LRMDA: variants seen among roughly 807,000 people sequenced by gnomAD.
The protein encoded by LRMDA is leucine-rich melanocyte differentiation-associated protein.
A neutral mutation model predicts 29.8 loss-of-function variants in LRMDA; 18 were observed. That is an observed-to-expected ratio of 0.60 (90% CI 0.42 to 0.90). The LOEUF (loss-of-function observed/expected upper bound fraction) is 0.90, where lower values mean the gene tolerates loss of function less well. Ranked by LOEUF, LRMDA falls within the 40% of genes least tolerant of loss-of-function variation. The pLI, the probability that LRMDA is intolerant of heterozygous loss-of-function variation, is 0.00. For synonymous variants in LRMDA, 125 were observed against 109.4 expected (o/e 1.14, Z -0.89); for missense variants, 273 against 273.9 (o/e 1.00, Z 0.02).
intron 2 of LRMDA, among the ~76,000 whole-genome samples, chr10:75,551,493 C>T (rs1378999528): frequency 6.7e-6 from 1 of 148,960 alleles, no homozygotes; most frequent in Non-Finnish European, 1.5e-5. Context: ...TAGCCCCCAT[C>T]CCCCAACAGG....
At chr10:75,754,618 G>T (rs1432795955) in intron 2 of LRMDA, among the ~76,000 whole-genome samples, 2 of 152,086 alleles carry the variant, frequency 1.3e-5, no homozygotes, top group Admixed American at 1.3e-4. Context: ...AGTAAGTAAT[G>T]ACTTTTCTGT....
chr10:75,899,173 C>T (rs911712559), intron 2 of LRMDA, among the ~76,000 whole-genome samples: 1 of 152,202 alleles, frequency 6.6e-6, no homozygotes, highest in African/African-American at 2.4e-5. Flanking sequence ...TTTTTGGTTA[C>T]ACGCCAGTAC....
At chr10:75,453,206 G>C (rs561677789) in intron 2 of LRMDA, among the ~76,000 whole-genome samples, 1 of 152,198 alleles carries the variant, frequency 6.6e-6, no homozygotes, top group African/African-American at 2.4e-5. Context: ...CAGAGACAGA[G>C]AGAGAAAATG....
intron 5 of LRMDA, among the ~76,000 whole-genome samples, chr10:76,213,526 C>A (rs11001688): frequency 2.0e-5 from 3 of 152,122 alleles, no homozygotes; most frequent in East Asian, 1.9e-4. Context: ...CTTTCATTTC[C>A]TAAGTGGAGG....
intron 2 of LRMDA, among the ~76,000 whole-genome samples, chr10:75,684,437 A>G (rs1338997757): frequency 6.6e-6 from 1 of 152,216 alleles, no homozygotes; most frequent in Non-Finnish European, 1.5e-5. Context: ...CTTTAACTTT[A>G]GAGTTCACTC....
At chr10:75,864,998 A>G (rs542649950) in intron 2 of LRMDA, among the ~76,000 whole-genome samples, 1 of 152,282 alleles carries the variant, frequency 6.6e-6, no homozygotes, top group South Asian at 2.1e-4. Flanking sequence ...CTTGTTTAAA[A>G]TGTCTCTAGA....
At chr10:76,517,881 C>CA (rs200285989) in intron 6 of LRMDA, among the ~76,000 whole-genome samples, 7 of 143,896 alleles carry the variant, frequency 4.9e-5, no homozygotes, top group East Asian at 4.0e-4. Context: ...GAATCACCGC[C>CA]AAAAAAAAGA....
intron 2 of LRMDA, among the ~76,000 whole-genome samples, chr10:76,020,096 A>G (rs1479224589): frequency 3.9e-5 from 6 of 152,226 alleles, no homozygotes; most frequent in Non-Finnish European, 8.8e-5. Flanking sequence ...TGGATGCTGC[A>G]TCAAACACAA....
At chr10:75,644,288 C>T (rs1841488985) in intron 2 of LRMDA, among the ~76,000 whole-genome samples, 1 of 152,160 alleles carries the variant, frequency 6.6e-6, no homozygotes, top group South Asian at 2.1e-4. Flanking sequence ...GGGGCAGCTG[C>T]CCTCAGGAAG....
intron 2 of LRMDA, among the ~76,000 whole-genome samples, chr10:75,675,075 A>G (rs2132147287): frequency 6.6e-6 from 1 of 152,318 alleles, no homozygotes; most frequent in Admixed American, 6.5e-5. Context: ...CAATCCTTGA[A>G]AATGCTGGTG....
chr10:75,825,144 C>T (rs921324179), intron 2 of LRMDA, among the ~76,000 whole-genome samples: 5 of 152,158 alleles, frequency 3.3e-5, no homozygotes, highest in South Asian at 2.1e-4. Context: ...CCACAGCCCA[C>T]ACCCGAGACC....
intron 5 of LRMDA, among the ~76,000 whole-genome samples, chr10:76,089,541 T>TA (rs1849195044): frequency 6.6e-6 from 1 of 152,154 alleles, no homozygotes; most frequent in Non-Finnish European, 1.5e-5. Context: ...GCGTTGGACA[T>TA]AAAATGGTAG....
At chr10:76,267,850 T>G (rs1166651421) in intron 5 of LRMDA, among the ~76,000 whole-genome samples, 2 of 152,198 alleles carry the variant, frequency 1.3e-5, no homozygotes, top group Non-Finnish European at 2.9e-5. Flanking sequence ...TGTATTATTA[T>G]TTATTCGGTG....
chr10:75,907,652 G>C (rs1225193792), intron 2 of LRMDA, among the ~76,000 whole-genome samples: 1 of 152,176 alleles, frequency 6.6e-6, no homozygotes, highest in African/African-American at 2.4e-5. Flanking sequence ...GAGTGGAGCT[G>C]TCGTTAATAT....
intron 5 of LRMDA, among the ~76,000 whole-genome samples, chr10:76,066,415 A>G (rs1848786383): frequency 6.6e-6 from 1 of 152,240 alleles, no homozygotes; most frequent in African/African-American, 2.4e-5. Context: ...TGATGATCAG[A>G]TAAATTATAT....
chr10:76,264,388 CAG>C (rs1839978852), intron 5 of LRMDA, among the ~76,000 whole-genome samples: 2 of 115,048 alleles, frequency 1.7e-5, no homozygotes, highest in South Asian at 5.6e-4. Flanking sequence ...GCCTGGGTAA[CAG>C]AGCAAGACTC....
rs534305092 is a variant in LRMDA, at chr10:75,769,346, C to T, written c.132-266662C>T. Among the ~76,000 whole-genome samples the T allele has an allele frequency of 2.4e-4, 36 of 152,312 alleles. 2 individuals are homozygous for T. The South Asian group carries it at 4.6e-3, about 19-fold the overall frequency. On this transcript the variant is annotated intron_variant, in intron 2 of 6. Coordinates refer to ENST00000611255, the MANE Select transcript of LRMDA (RefSeq NM_001305581.2). The stretch of plus-strand genomic sequence containing the variant: ...TCTCTTAATTGCAACATGTTCTACA[C>T]TGCACAAAAAGACTATGTGGCCGAG...
intron 2 of LRMDA, among the ~76,000 whole-genome samples, chr10:75,990,474 A>T (rs888590142): frequency 5.9e-5 from 9 of 152,220 alleles, no homozygotes; most frequent in Non-Finnish European, 1.0e-4. Context: ...TTTATGAAAA[A>T]GTACAGAAAT....
intron 2 of LRMDA, 111 bp from the exon 3 acceptor site, chr10:76,035,897 G>A (rs1589297559): frequency 1.7e-5 from 19 of 1,113,740 alleles, no homozygotes; most frequent in Admixed American, 5.9e-5. Context: ...CAGGCACCAA[G>A]CCCAAACTAT....
Sources: allele counts gnomAD v4.1 joint callset (sites outside exome capture counted in the v4.1 genomes callset), GRCh38; gene constraint gnomAD v4.1.1; transcripts MANE v1.5; gene names NCBI Gene and HGNC (gene_info 2026-07-23, HGNC 2026-07-21).